Variants in PCDHGA5 observed in about 807,000 individuals in gnomAD.
PCDHGA5 encodes the protein protocadherin gamma subfamily A, 5.
A neutral mutation model predicts 56.7 loss-of-function variants in PCDHGA5; 36 were observed. That is an observed-to-expected ratio of 0.64 (90% CI 0.49 to 0.84). The LOEUF is 0.84. Ranked by LOEUF, PCDHGA5 falls within the 40% of genes least tolerant of loss-of-function variation. PCDHGA5 has a pLI of 0.00. For missense variants in PCDHGA5, 1,305 were observed against 1,201.5 expected, an observed-to-expected ratio of 1.09 and a Z score of -1.27; for synonymous variants, 563 against 520.2, an observed-to-expected ratio of 1.08 and a Z score of -1.12.
chr5:141,433,062 T>G (rs1371087184), intron 1 of PCDHGA5: 1 of 1,614,074 alleles, frequency 6.2e-7, no homozygotes, highest in Non-Finnish European at 8.5e-7. Context: ...AAGAGTCACC[T>G]GATCTTCCCC....
At chr5:141,464,223 CCACTGCA>C (rs916210777) in intron 1 of PCDHGA5, among the ~76,000 whole-genome samples, 4 of 150,824 alleles carry the variant, frequency 2.7e-5, no homozygotes, top group Non-Finnish European at 4.4e-5. Flanking sequence ...TGAGATTGCG[CCACTGCA>C]CTCCAGCCTG....
Position 141,486,515 on chromosome 5 carries a change from G to A in PCDHGA5, c.2422-8292G>A. ...AACTATTTTCCTCAATATTTCAGAT[G>A]TGAATGATAATCCACCCTCTTTCTT... On this transcript the variant is annotated intron_variant, in intron 1 of 3. Transcript: ENST00000518069. This position sits in a 1 kb window ranked among gnomAD's most constrained non-coding sequence, Gnocchi z 5.0. 1 of 1,614,172 alleles carries A rather than the reference G, an allele frequency of 6.2e-7. No individual in the cohort carries two copies. The highest frequency in any genetic ancestry group is 8.5e-7 in the Non-Finnish European group (1 of 1,180,026).
chr5:141,467,162 C>T (rs765574629), intron 1 of PCDHGA5, among the ~76,000 whole-genome samples: 1 of 151,724 alleles, frequency 6.6e-6, no homozygotes, highest in Non-Finnish European at 1.5e-5. Flanking sequence ...AAGTGATTCT[C>T]ATCTCTCAGC....
chr5:141,477,901 C>T lies in PCDHGA5; in HGVS notation c.2422-16906C>T, dbSNP rs2099423750. ...GCCACCTAGTGTCACGGGTGGTAGG[C>T]TGGGACGCGGATGCAGGGCACAATG... On this transcript the variant is annotated intron_variant, in intron 1 of 3. Transcript: ENST00000518069. The surrounding 1 kb of genome is among the most constrained non-coding windows in gnomAD (Gnocchi z 4.9). The T allele has an allele frequency of 1.9e-6, 3 of 1,614,188 alleles. No homozygotes were observed. The highest frequency in any genetic ancestry group is 2.5e-6 in the Non-Finnish European group (3 of 1,180,042).
intron 1 of PCDHGA5, chr5:141,433,070 C>T: frequency 6.2e-7 from 1 of 1,614,174 alleles, no homozygotes; most frequent in Non-Finnish European, 8.5e-7. Flanking sequence ...CCTGATCTTC[C>T]CCCAGCCCAA....
At chr5:141,376,059 C>A (rs761483041) in intron 1 of PCDHGA5, 1 of 1,613,280 alleles carries the variant, frequency 6.2e-7, no homozygotes, top group Admixed American at 1.7e-5. Context: ...GCCACTGTCA[C>A]GCTCACCGTG....
rs1309165721 is a variant in PCDHGA5 at position 141,430,655 on chromosome 5, G to A, written c.2421+63904G>A. On this transcript the variant is annotated intron_variant, in intron 1 of 3. Coordinates refer to ENST00000518069, the MANE Select transcript of PCDHGA5 (RefSeq NM_018918.3). Reference sequence around the variant, plus strand: ...ATCCCTGGGAGTATGTGGAAACAACGGAGGAGCTCTGACTTCCCAACTGTC... The same window carrying A: ...ATCCCTGGGAGTATGTGGAAACAACAGAGGAGCTCTGACTTCCCAACTGTC... 4.6e-6 allele frequency: 5 copies of A among 1,084,938 alleles called. No individual in the cohort carries two copies. In the East Asian group the frequency reaches 7.8e-5, roughly 17 times the overall value. 67.2% of individuals were successfully genotyped at this position (1,084,938 alleles called of 1,614,324 possible).
At chr5:141,426,916 A>T (rs1227752756) in intron 1 of PCDHGA5, 2 of 456,618 alleles carry the variant, frequency 4.4e-6, no homozygotes, top group Non-Finnish European at 4.4e-6. Context: ...CTGGTCCTGG[A>T]AGCAATGGAC....
chr5:141,410,101 C>T, intron 1 of PCDHGA5: 1 of 1,612,490 alleles, frequency 6.2e-7, no homozygotes, highest in African/African-American at 1.3e-5. Flanking sequence ...GAGCCTTAGG[C>T]GACAGGGACG....
chr5:141,385,108 A>C, intron 1 of PCDHGA5: 1 of 1,614,126 alleles, frequency 6.2e-7, no homozygotes, highest in Non-Finnish European at 8.5e-7. Flanking sequence ...GAACGTGCCC[A>C]CCTCGCACTT....
rs760509503 is a variant in PCDHGA5 at position 141,432,756 on chromosome 5, A to T, written c.2422-62051A>T. The T allele has an allele frequency of 5.6e-6, 9 of 1,613,958 alleles. No homozygotes were observed. Among genetic ancestry groups the T allele is most frequent in the Non-Finnish European group, 7.6e-6 (9 of 1,179,994 alleles). On this transcript the variant is annotated intron_variant, in intron 1 of 3. Transcript: ENST00000518069. This position sits in a 1 kb window ranked among gnomAD's most constrained non-coding sequence, Gnocchi z 6.0. ...GTCACGCTCACCGTGGCCGTGGCCG[A>T]CAGCATCCCCCAAGTCCTGGCGGAC...
chr5:141,408,326 G>A, intron 1 of PCDHGA5: 6 of 1,613,904 alleles, frequency 3.7e-6, no homozygotes, highest in Non-Finnish European at 4.2e-6. Context: ...GGAGGAGCTG[G>A]CCAAGGGCTC....
In PCDHGA5 at chr5:141,400,151, C is replaced by G. The variant is rs201457414; in HGVS notation, c.2421+33400C>G. ...GTGCTGCCGGATATCACTGACCGCC[C>G]TGTACCCTCTGACCCCCAGGCTGAG... On this transcript the variant is annotated intron_variant, in intron 1 of 3. Transcript: ENST00000518069. 6.4e-5 allele frequency: 104 copies of G among 1,614,086 alleles called. No individual in the cohort carries two copies. The highest frequency in any genetic ancestry group is 4.9e-4 in the Middle Eastern group (3 of 6,062).
intron 1 of PCDHGA5, chr5:141,389,681 C>T (rs1172050771): frequency 1.2e-6 from 2 of 1,612,438 alleles, no homozygotes; most frequent in South Asian, 1.1e-5. Context: ...CAGGACACAA[C>T]GCCTGGCTGT....
chr5:141,511,182 C>A lies in PCDHGA5; in HGVS notation c.*9C>A. ...AGAAGGAGAAGAAGTAACATGGAGG[C>A]CAGGCCAAGAGCCACAGGGCGGCCT... is the stretch of plus-strand genomic sequence containing the variant. On this transcript the variant is annotated 3_prime_UTR_variant, in exon 4 of 4. Transcript: ENST00000518069. 6.2e-7 allele frequency: 1 copy of A among 1,614,022 alleles called. No homozygotes were observed. Among genetic ancestry groups the A allele is most frequent in the Non-Finnish European group, 8.5e-7 (1 of 1,179,946 alleles).
At chr5:141,463,981 A>G (rs1441851777) in intron 1 of PCDHGA5, among the ~76,000 whole-genome samples, 1 of 152,150 alleles carries the variant, frequency 6.6e-6, no homozygotes, top group Non-Finnish European at 1.5e-5. Context: ...ACTCCATTGT[A>G]AAAACCAGGT....
At chr5:141,418,917 C>T in intron 1 of PCDHGA5, 1 of 1,613,988 alleles carries the variant, frequency 6.2e-7, no homozygotes, top group Non-Finnish European at 8.5e-7. Context: ...ACGTCACTCT[C>T]TGATCAGATT....
At chr5:141,389,462 C>G in intron 1 of PCDHGA5, 1 of 1,613,316 alleles carries the variant, frequency 6.2e-7, no homozygotes, top group East Asian at 2.2e-5. Flanking sequence ...TGCGCGCCTT[C>G]GAACTCACAC....
At chr5:141,482,442 C>A (rs942933015) in intron 1 of PCDHGA5, among the ~76,000 whole-genome samples, 23 of 147,678 alleles carry the variant, frequency 1.6e-4, no homozygotes, top group African/African-American at 5.6e-4. Context: ...CTGATATTCA[C>A]CATTTATTAG....
Sources: gnomAD v4.1 joint callset for allele counts (sites outside exome capture counted in the v4.1 genomes callset) on GRCh38, gnomAD v4.1.1 for gene constraint, Gnocchi (gnomAD v3.1) non-coding constraint, MANE v1.5 for transcripts, NCBI Gene and HGNC (gene_info 2026-07-23, HGNC 2026-07-21) for gene names.